TSPAN5: variants seen among roughly 807,000 people sequenced by gnomAD.
TSPAN5 encodes the protein tetraspanin 5, also known as tetraspanin-5.
In TSPAN5, 10 loss-of-function variants were observed where a neutral mutation model predicts 37.1. That is an observed-to-expected ratio of 0.27 (90% CI 0.17 to 0.46). The LOEUF (loss-of-function observed/expected upper bound fraction) is 0.46. Among genes scored for constraint, TSPAN5 ranks in the 20% least tolerant of loss-of-function variants. The pLI, the probability that TSPAN5 is intolerant of heterozygous loss-of-function variation, is 1.00. For synonymous variants in TSPAN5, 110 were observed against 118.9 expected (o/e 0.93, Z 0.48); for missense variants, 195 against 326.6 (o/e 0.60, Z 3.11).
At chr4:98,536,715 C>T (rs1322200816) in intron 1 of TSPAN5, among the ~76,000 whole-genome samples, 7 of 152,250 alleles carry the variant, frequency 4.6e-5, no homozygotes, top group African/African-American at 1.4e-4. Flanking sequence ...AGAAATCTGG[C>T]GGTCTGGCCC....
chr4:98,603,763 C>T (rs1755939888), intron 1 of TSPAN5, among the ~76,000 whole-genome samples: 1 of 152,126 alleles, frequency 6.6e-6, no homozygotes, highest in African/African-American at 2.4e-5. Context: ...TCATCTCCTT[C>T]ACAATGGAAA....
intron 1 of TSPAN5, among the ~76,000 whole-genome samples, chr4:98,577,386 C>T (rs751031892): frequency 6.6e-6 from 1 of 152,094 alleles, no homozygotes; most frequent in Non-Finnish European, 1.5e-5. Flanking sequence ...ATTGTTTCCC[C>T]CCCTGAAACT....
intron 1 of TSPAN5, among the ~76,000 whole-genome samples, chr4:98,567,350 T>C (rs1247361368): frequency 6.6e-6 from 1 of 152,174 alleles, no homozygotes; most frequent in Non-Finnish European, 1.5e-5. Flanking sequence ...AAGAAAATGT[T>C]CCTGTGGAAC....
intron 1 of TSPAN5, among the ~76,000 whole-genome samples, chr4:98,523,044 ATTCTTTTATATG>A (rs1753888659): frequency 1.3e-5 from 2 of 152,202 alleles, no homozygotes; most frequent in Non-Finnish European, 2.9e-5. Context: ...TTGACAAATC[ATTCTTTTATATG>A]TTCTTTTATA....
chr4:98,658,080 C>G, intron 1 of TSPAN5, 66 bp downstream of exon 1: 2 of 1,425,844 alleles, frequency 1.4e-6, no homozygotes, highest in Non-Finnish European at 2.0e-6. Context: ...CAACGAACAA[C>G]GTGGGGGAAA....
intron 2 of TSPAN5, among the ~76,000 whole-genome samples, chr4:98,501,189 G>C (rs926478719): frequency 6.6e-6 from 1 of 152,026 alleles, no homozygotes; most frequent in Non-Finnish European, 1.5e-5. Context: ...TTCTGATATA[G>C]ACAATATATA....
At chr4:98,481,342 C>T (rs776221044) in intron 4 of TSPAN5, among the ~76,000 whole-genome samples, 14 of 152,064 alleles carry the variant, frequency 9.2e-5, no homozygotes, top group East Asian at 1.9e-4. Context: ...CTGAGTGAAA[C>T]GGGACATCTG....
chr4:98,486,612 T>C lies in TSPAN5; in HGVS notation c.279+126A>G, dbSNP rs1330691157. On this transcript the variant is annotated intron_variant, in intron 3 of 7. Transcript: ENST00000305798. ...AGAGAGCTCTCTCAAAAGAAAATAA[T>C]GACCTGGGCCCTACTTTGGCCAGTG... 3 of 1,050,748 alleles carry C rather than the reference T, an allele frequency of 2.9e-6. No homozygotes were observed. The East Asian group carries it at 7.5e-5, about 26-fold the overall frequency. The allele number at this position is 1,050,748 out of a possible 1,614,324, so 65.1% of individuals were successfully genotyped here.
chr4:98,523,302 C>T (rs959437567), intron 1 of TSPAN5, among the ~76,000 whole-genome samples: 11 of 152,270 alleles, frequency 7.2e-5, no homozygotes, highest in African/African-American at 2.2e-4. Context: ...ACATCCATAA[C>T]TTTTTGTTCT....
intron 1 of TSPAN5, among the ~76,000 whole-genome samples, chr4:98,536,267 C>G (rs1754230598): frequency 6.6e-6 from 1 of 152,168 alleles, no homozygotes. Context: ...GGCAGTCAGG[C>G]CCTTCTGCTG....
In TSPAN5 at chr4:98,486,787, A is replaced by T. The variant is rs1490047861; in HGVS notation, c.230T>A (p.Phe77Tyr). ...CCGTAGCGCTCCAATGCACCCTGCA[A>T]ATCCCAAAATGAACATCACTCCTCC... ...VVGGVMFILG[F>Y]AGCIGALREN... Residue 77 changes from phenylalanine to tyrosine, a missense_variant, in exon 3 of 8, where the codon TTT becomes TAT. Physicochemically the swap from Phe to Tyr is conservative, Grantham distance 22. Transcript: ENST00000305798. 1 of 1,614,132 alleles carries T rather than the reference A, an allele frequency of 6.2e-7. No individual in the cohort carries two copies. The highest frequency in any genetic ancestry group is 1.1e-5 in the South Asian group (1 of 91,068).
At chr4:98,628,645 C>T (rs1274913520) in intron 1 of TSPAN5, among the ~76,000 whole-genome samples, 3 of 152,102 alleles carry the variant, frequency 2.0e-5, no homozygotes, top group African/African-American at 7.2e-5. Flanking sequence ...CATTGCTGAC[C>T]CCTTTACCAC....
At chr4:98,535,995 G>A (rs1754223772) in intron 1 of TSPAN5, among the ~76,000 whole-genome samples, 1 of 152,020 alleles carries the variant, frequency 6.6e-6, no homozygotes, top group Non-Finnish European at 1.5e-5. Context: ...TTTAGCTCAA[G>A]TCTGTTATTA....
intron 1 of TSPAN5, among the ~76,000 whole-genome samples, chr4:98,556,859 A>G (rs997164872): frequency 2.0e-5 from 3 of 152,208 alleles, no homozygotes; most frequent in African/African-American, 4.8e-5. Flanking sequence ...AGGAAAATAG[A>G]CTTCTATATT....
At chr4:98,586,733 T>A (rs1053892271) in intron 1 of TSPAN5, among the ~76,000 whole-genome samples, 4 of 151,920 alleles carry the variant, frequency 2.6e-5, no homozygotes, top group African/African-American at 9.7e-5. Context: ...GGAGAGGGGG[T>A]CCTGAAGCAC....
intron 1 of TSPAN5, among the ~76,000 whole-genome samples, chr4:98,565,639 T>G (rs1754986996): frequency 6.6e-6 from 1 of 152,198 alleles, no homozygotes; most frequent in Non-Finnish European, 1.5e-5. Flanking sequence ...TTGGACTGCT[T>G]AAAGTAGGAG....
At chr4:98,518,851 T>G (rs1753794880) in intron 1 of TSPAN5, among the ~76,000 whole-genome samples, 1 of 152,242 alleles carries the variant, frequency 6.6e-6, no homozygotes, top group Non-Finnish European at 1.5e-5. Context: ...TGACATGTGT[T>G]GAAGTTTGAG....
chr4:98,657,251 C>T (rs1757311990), intron 1 of TSPAN5, among the ~76,000 whole-genome samples: 1 of 152,146 alleles, frequency 6.6e-6, no homozygotes, highest in Non-Finnish European at 1.5e-5. Context: ...AGCCTAATTA[C>T]AATAGGTTCC....
chr4:98,630,001 G>A lies in TSPAN5; in HGVS notation c.81+28145C>T, dbSNP rs187228105. Among the ~76,000 whole-genome samples, 226 of 152,166 alleles carry A rather than the reference G, an allele frequency of 1.5e-3. 1 individual carries two copies. The Middle Eastern group carries it at 0.034, about 23-fold the overall frequency. On this transcript the variant is annotated intron_variant, in intron 1 of 7. Coordinates refer to ENST00000305798, the MANE Select transcript of TSPAN5 (RefSeq NM_005723.4). Reference sequence around the variant, plus strand: ...GTAATAATAATCTATGAAAATACTCGACTAACCAACCCAAACGCTTTCCCT... The same window carrying A: ...GTAATAATAATCTATGAAAATACTCAACTAACCAACCCAAACGCTTTCCCT...
Sources: gnomAD v4.1 joint callset for allele counts (sites outside exome capture counted in the v4.1 genomes callset) on GRCh38, gnomAD v4.1.1 for gene constraint, MANE v1.5 for transcripts, NCBI Gene and HGNC (gene_info 2026-07-23, HGNC 2026-07-21) for gene names.